The following DPYD variants were observed in gnomAD, a reference collection of about 807,000 sequenced individuals.
DPYD encodes the protein dihydropyrimidine dehydrogenase.
DPYD carries 109 observed loss-of-function variants against 116.2 expected under a neutral mutation model. The ratio of observed to expected loss-of-function variants is 0.94; its 90% CI spans 0.80 to 1.10. The LOEUF (loss-of-function observed/expected upper bound fraction) is 1.10, where lower values mean the gene tolerates loss of function less well. Ranked by LOEUF, DPYD falls within the 50% of genes least tolerant of loss-of-function variation. DPYD has a pLI of 0.00. For missense variants in DPYD, 1,302 were observed against 1,254.5 expected, an observed-to-expected ratio of 1.04 and a Z score of -0.57; for synonymous variants, 440 against 432.0, an observed-to-expected ratio of 1.02 and a Z score of -0.23.
chr1:97,181,248 C>G (rs1434852743), intron 20 of DPYD, among the ~76,000 whole-genome samples: 1 of 152,048 alleles, frequency 6.6e-6, no homozygotes, highest in African/African-American at 2.4e-5. Flanking sequence ...TGAGAGAAAC[C>G]AAGTTGGGGA....
chr1:97,272,629 T>G (rs1664662306), intron 18 of DPYD, among the ~76,000 whole-genome samples: 1 of 152,170 alleles, frequency 6.6e-6, no homozygotes, highest in South Asian at 2.1e-4. Context: ...GAACTTTGAA[T>G]AAGAACAAGT....
At chr1:97,316,784 GC>G (rs1667881107) in intron 16 of DPYD, among the ~76,000 whole-genome samples, 1 of 151,740 alleles carries the variant, frequency 6.6e-6, no homozygotes, top group Non-Finnish European at 1.5e-5. Context: ...CTCTATGCCT[GC>G]CTGAATTGAC....
At chr1:97,405,996 C>A (rs1277536830) in intron 14 of DPYD, among the ~76,000 whole-genome samples, 4 of 152,116 alleles carry the variant, frequency 2.6e-5, no homozygotes, top group South Asian at 2.1e-4. Flanking sequence ...CTAGATAAAT[C>A]TCACAATATC....
At chr1:97,647,816 CA>C (rs1658358463) in intron 8 of DPYD, among the ~76,000 whole-genome samples, 2 of 151,786 alleles carry the variant, frequency 1.3e-5, no homozygotes, top group South Asian at 4.2e-4. Context: ...GTATGATAAC[CA>C]AAATTATGTC....
intron 18 of DPYD, among the ~76,000 whole-genome samples, chr1:97,246,014 T>C (rs547028962): frequency 2.0e-5 from 3 of 152,134 alleles, no homozygotes; most frequent in Non-Finnish European, 4.4e-5. Flanking sequence ...CGTTTTGTTC[T>C]CTTCTTTGGC....
chr1:97,776,171 C>T (rs890577238), intron 3 of DPYD, among the ~76,000 whole-genome samples: 12 of 151,544 alleles, frequency 7.9e-5, no homozygotes, highest in African/African-American at 2.7e-4. Flanking sequence ...GATCAAATTT[C>T]TTTTTTCACC....
intron 10 of DPYD, among the ~76,000 whole-genome samples, chr1:97,592,107 C>A (rs1412319094): frequency 6.6e-6 from 1 of 152,164 alleles, no homozygotes; most frequent in African/African-American, 2.4e-5. Flanking sequence ...AGCTATAATT[C>A]TTGCCTAGTA....
At chr1:97,695,748 A>C (rs1318850133) in intron 6 of DPYD, among the ~76,000 whole-genome samples, 1 of 152,102 alleles carries the variant, frequency 6.6e-6, no homozygotes, top group African/African-American at 2.4e-5. Context: ...GAGTGATAGA[A>C]TCAGATTTGA....
At chr1:97,758,493 T>G (rs889266771) in intron 3 of DPYD, among the ~76,000 whole-genome samples, 2 of 152,124 alleles carry the variant, frequency 1.3e-5, no homozygotes, top group African/African-American at 4.8e-5. Context: ...AAAATTTCAT[T>G]AGCAGTGAAA....
chr1:97,614,409 C>A (rs1332738020), intron 8 of DPYD, among the ~76,000 whole-genome samples: 3 of 151,996 alleles, frequency 2.0e-5, no homozygotes, highest in African/African-American at 7.2e-5. Context: ...ATTTATAAGA[C>A]TGAGTTGATT....
At chr1:97,308,367 A>AT (rs1373332349) in intron 16 of DPYD, 2 of 151,740 alleles carry the variant, frequency 1.3e-5, no homozygotes, top group Non-Finnish European at 2.9e-5. Context: ...GTTCACATAT[A>AT]TTTTTCTCAT....
intron 21 of DPYD, among the ~76,000 whole-genome samples, chr1:97,086,543 T>C (rs1649534466): frequency 6.6e-6 from 1 of 152,194 alleles, no homozygotes; most frequent in African/African-American, 2.4e-5. Context: ...ACTGTGATTA[T>C]CTAGCATGTT....
At chr1:97,364,974 G>A (rs999604189) in intron 16 of DPYD, among the ~76,000 whole-genome samples, 5 of 152,138 alleles carry the variant, frequency 3.3e-5, no homozygotes, top group African/African-American at 1.2e-4. Context: ...AGCAGGAAGC[G>A]TGTACAAATT....
intron 16 of DPYD, among the ~76,000 whole-genome samples, chr1:97,311,576 T>G (rs1385725965): frequency 1.3e-5 from 2 of 151,670 alleles, no homozygotes; most frequent in African/African-American, 2.4e-5. Flanking sequence ...TGGGAAACAG[T>G]TTCACATGAT....
chr1:97,877,153 A>C (rs1671963347), intron 2 of DPYD, among the ~76,000 whole-genome samples: 2 of 151,986 alleles, frequency 1.3e-5, no homozygotes, highest in African/African-American at 2.4e-5. Flanking sequence ...GGAACATCAG[A>C]ATGACTGTCA....
intron 19 of DPYD, among the ~76,000 whole-genome samples, chr1:97,197,464 G>A (rs1388222687): frequency 6.6e-6 from 1 of 152,058 alleles, no homozygotes; most frequent in African/African-American, 2.4e-5. Context: ...TACTTTATGG[G>A]ATTTTCATGA....
intron 16 of DPYD, among the ~76,000 whole-genome samples, chr1:97,323,305 CACGT>C (rs1668434808): frequency 6.8e-6 from 1 of 146,044 alleles, no homozygotes; most frequent in African/African-American, 2.6e-5. Context: ...TGTATATGTA[CACGT>C]ATATATACAT....
At chr1:97,664,035 C>G (rs924802906) in intron 8 of DPYD, among the ~76,000 whole-genome samples, 4 of 152,090 alleles carry the variant, frequency 2.6e-5, no homozygotes, top group African/African-American at 9.7e-5. Context: ...TCTGTCTCCC[C>G]CAAAACTGTA....
At chr1:97,303,978 A>G (rs1319508818) in intron 18 of DPYD, among the ~76,000 whole-genome samples, 3 of 152,108 alleles carry the variant, frequency 2.0e-5, no homozygotes, top group African/African-American at 7.2e-5. Flanking sequence ...TAATGCTGTA[A>G]TTTTGTAGTT....
Sources: gnomAD v4.1 joint callset for allele counts (sites outside exome capture counted in the v4.1 genomes callset) on GRCh38, gnomAD v4.1.1 for gene constraint, MANE v1.5 for transcripts, NCBI Gene and HGNC (gene_info 2026-07-23, HGNC 2026-07-21) for gene names.